SYT1: variants seen among roughly 807,000 people sequenced by gnomAD.
SYT1 encodes the protein synaptotagmin-1.
A neutral mutation model predicts 44.8 loss-of-function variants in SYT1; 8 were observed. That is an observed-to-expected ratio of 0.18 (90% CI 0.10 to 0.32). SYT1 has a LOEUF of 0.32. Ranked by LOEUF, SYT1 falls within the 10% of genes least tolerant of loss-of-function variation. The pLI, the probability that SYT1 is intolerant of heterozygous loss-of-function variation, is 1.00. For missense variants in SYT1, 286 were observed against 509.3 expected (o/e 0.56, Z 4.22); for synonymous variants, 154 against 188.8 (o/e 0.82, Z 1.51).
intron 1 of SYT1, among the ~76,000 whole-genome samples, chr12:78,966,732 T>C (rs142478126): frequency 6.6e-6 from 1 of 152,256 alleles, no homozygotes; most frequent in Non-Finnish European, 1.5e-5. Context: ...CCTTTTGATA[T>C]GATGTTGGAG....
chr12:79,012,622 T>C (rs1349927459), intron 2 of SYT1, among the ~76,000 whole-genome samples: 3 of 152,230 alleles, frequency 2.0e-5, no homozygotes, highest in Non-Finnish European at 2.9e-5. Flanking sequence ...CACCATTATA[T>C]AGCTCTTCCT....
chr12:78,931,239 G>GAAAGAAAGAAAGA lies in SYT1; in HGVS notation c.-216-46558_-216-46557insAGAAAGAAAGAAA, dbSNP rs1216203775. Reference sequence around the variant, plus strand: ...AGAAAGAAAGAAAGAAAGAAAGAAAGAAGGAAGGAAGGAAGGAAGGAAGGA... The same window carrying GAAAGAAAGAAAGA: ...AGAAAGAAAGAAAGAAAGAAAGAAAGAAAGAAAGAAAGAAAGGAAGGAAGGAAGGAAGGAAGGA... On this transcript the variant is annotated intron_variant, in intron 1 of 10. Coordinates refer to ENST00000261205, the MANE Select transcript of SYT1 (RefSeq NM_005639.3). Among the ~76,000 whole-genome samples the GAAAGAAAGAAAGA allele has an allele frequency of 4.2e-4, 12 of 28,682 alleles. 1 individual carries two copies. The highest frequency in any genetic ancestry group is 1.4e-3 in the East Asian group (1 of 692). The allele number at this position is 28,682 out of a possible 152,430, so 18.8% of individuals were successfully genotyped here. A position where few individuals can be genotyped will look rare whatever the true frequency, so the allele number is the denominator to read the frequency against.
At chr12:78,974,927 G>T (rs1305583193) in intron 1 of SYT1, among the ~76,000 whole-genome samples, 1 of 151,922 alleles carries the variant, frequency 6.6e-6, no homozygotes, top group Admixed American at 6.6e-5. Flanking sequence ...AGACCCTTCA[G>T]CACAAACTCA....
chr12:79,026,670 T>C (rs1398191277), intron 2 of SYT1, among the ~76,000 whole-genome samples: 1 of 30,488 alleles, frequency 3.3e-5, no homozygotes, highest in Middle Eastern at 0.017. Flanking sequence ...ATATATTTTA[T>C]ATATATATAT....
At chr12:79,092,306 C>A (rs921231573) in intron 3 of SYT1, among the ~76,000 whole-genome samples, 4 of 151,654 alleles carry the variant, frequency 2.6e-5, no homozygotes, top group South Asian at 2.1e-4. Context: ...GGTAATATGG[C>A]CAATGTTTCC....
chr12:79,413,106 C>T (rs1161946769), intron 9 of SYT1, among the ~76,000 whole-genome samples: 1 of 152,180 alleles, frequency 6.6e-6, no homozygotes, highest in Non-Finnish European at 1.5e-5. Context: ...AGAATGGCAA[C>T]ATAAAAGGAG....
At chr12:79,348,998 G>GGAAAGAAAGAAA (rs71865653) in intron 8 of SYT1, among the ~76,000 whole-genome samples, 1,606 of 125,380 alleles carry the variant, frequency 0.013, 16 homozygotes, top group Middle Eastern at 0.017. Context: ...AAAGAGAGAA[G>GGAAAGAAAGAAA]GAAAGAAAGA....
intron 3 of SYT1, among the ~76,000 whole-genome samples, chr12:79,139,606 T>C (rs1468664328): frequency 6.6e-6 from 1 of 152,156 alleles, no homozygotes; most frequent in Non-Finnish European, 1.5e-5. Flanking sequence ...AATGGTACTT[T>C]TTGATAAATA....
intron 2 of SYT1, among the ~76,000 whole-genome samples, chr12:78,998,488 C>T (rs1248400784): frequency 6.6e-6 from 1 of 152,174 alleles, no homozygotes; most frequent in African/African-American, 2.4e-5. Flanking sequence ...ACATAACACC[C>T]AGCACCTAGC....
chr12:78,911,130 C>A (rs1276196587), intron 1 of SYT1, among the ~76,000 whole-genome samples: 1 of 151,958 alleles, frequency 6.6e-6, no homozygotes, highest in East Asian at 1.9e-4. Flanking sequence ...GTGAAAGTAG[C>A]ACTAAGGTGG....
intron 9 of SYT1, among the ~76,000 whole-genome samples, chr12:79,406,530 T>A (rs1326052027): frequency 6.6e-6 from 1 of 152,180 alleles, no homozygotes; most frequent in Non-Finnish European, 1.5e-5. Flanking sequence ...CTATCATTAT[T>A]CTCATGCTAC....
chr12:79,254,479 G>A (rs867916836), intron 4 of SYT1, among the ~76,000 whole-genome samples: 2 of 152,170 alleles, frequency 1.3e-5, no homozygotes, highest in Non-Finnish European at 2.9e-5. Flanking sequence ...TGATGAAGAC[G>A]CAGGAGGAGA....
chr12:79,373,635 A>C (rs192477388), intron 9 of SYT1, among the ~76,000 whole-genome samples: 1 of 152,360 alleles, frequency 6.6e-6, no homozygotes, highest in Admixed American at 6.5e-5. Context: ...CAATATTCAT[A>C]ATATTTAATA....
At chr12:79,151,933 T>C (rs1870299104) in intron 3 of SYT1, among the ~76,000 whole-genome samples, 1 of 152,080 alleles carries the variant, frequency 6.6e-6, no homozygotes, top group Admixed American at 6.6e-5. Flanking sequence ...AAAAGAGACA[T>C]GGCCCAGAAA....
intron 4 of SYT1, among the ~76,000 whole-genome samples, chr12:79,220,388 G>T (rs1875086320): frequency 1.3e-5 from 2 of 151,618 alleles, no homozygotes; most frequent in African/African-American, 4.8e-5. Flanking sequence ...CTTTTCTGTT[G>T]TTTCTGTAGT....
In SYT1 at chr12:79,450,144, T is replaced by C. The variant is rs1870970909; in HGVS notation, c.*1020T>C. The C allele has an allele frequency of 6.6e-6, 1 of 152,562 alleles. No individual in the cohort carries two copies. Among genetic ancestry groups the C allele is most frequent in the Non-Finnish European group, 1.5e-5 (1 of 68,038 alleles). The allele number at this position is 152,562 out of a possible 1,614,324, so 9.5% of individuals were successfully genotyped here. A position where few individuals can be genotyped will look rare whatever the true frequency, so the allele number is the denominator to read the frequency against. On this transcript the variant is annotated 3_prime_UTR_variant, in exon 11 of 11. Transcript: ENST00000261205. ...TTCCAAAAGGTTTGCACATTAGAGTTTGTAACAAAATATTTTATTATATAA... is the reference window on the plus strand; with the variant it reads ...TTCCAAAAGGTTTGCACATTAGAGTCTGTAACAAAATATTTTATTATATAA...
rs1026153053 is a variant in SYT1 at position 79,197,103 on chromosome 12, A to T, written c.-17-20400A>T. 7.2e-5 allele frequency among the ~76,000 whole-genome samples: 11 copies of T among 152,334 alleles called. 1 individual carries two copies. The South Asian group carries it at 2.3e-3, about 32-fold the overall frequency. On this transcript the variant is annotated intron_variant, in intron 3 of 10. Coordinates refer to ENST00000261205, the MANE Select transcript of SYT1 (RefSeq NM_005639.3). The stretch of plus-strand genomic sequence containing the variant: ...TCAAAGTGATTAATTAATTTAGAAG[A>T]TATAATTCTGTGACTCCCCTTCTAT...
chr12:79,275,948 A>G (rs1878691702), intron 4 of SYT1, among the ~76,000 whole-genome samples: 1 of 152,228 alleles, frequency 6.6e-6, no homozygotes, highest in South Asian at 2.1e-4. Context: ...AAGTCATTGC[A>G]CAAAGATTCT....
intron 1 of SYT1, among the ~76,000 whole-genome samples, chr12:78,892,671 TAAAAGGAAGTC>T (rs1310673070): frequency 6.6e-6 from 1 of 151,826 alleles, no homozygotes; most frequent in East Asian, 1.9e-4. Flanking sequence ...AGTCAAAATT[TAAAAGGAAGTC>T]AAAAGGAAGT....
Sources: gnomAD v4.1 joint callset for allele counts (sites outside exome capture counted in the v4.1 genomes callset) on GRCh38, gnomAD v4.1.1 for gene constraint, MANE v1.5 for transcripts, NCBI Gene and HGNC (gene_info 2026-07-23, HGNC 2026-07-21) for gene names.